The following FHIT variants were observed in gnomAD, a reference collection of about 807,000 sequenced individuals.
FHIT encodes the protein fragile histidine triad diadenosine triphosphatase, also known as bis(5'-adenosyl)-triphosphatase.
FHIT carries 19 observed loss-of-function variants against 17.9 expected under a neutral mutation model. That is an observed-to-expected ratio of 1.06 (90% CI 0.74 to 1.56). The LOEUF (loss-of-function observed/expected upper bound fraction) is 1.56. Ranked by LOEUF, FHIT falls within the 40% of genes most tolerant of loss-of-function variation. The pLI, the probability that FHIT is intolerant of heterozygous loss-of-function variation, is 0.00. For missense variants in FHIT, 248 were observed against 189.2 expected, an observed-to-expected ratio of 1.31 and a Z score of -1.82; for synonymous variants, 81 against 69.7, an observed-to-expected ratio of 1.16 and a Z score of -0.81.
intron 5 of FHIT, among the ~76,000 whole-genome samples, chr3:60,316,680 T>C (rs1709179873): frequency 6.6e-6 from 1 of 152,198 alleles, no homozygotes; most frequent in African/African-American, 2.4e-5. Context: ...ACAGGCTCAC[T>C]CAAAACAGAT....
intron 4 of FHIT, among the ~76,000 whole-genome samples, chr3:60,808,944 G>A (rs782249725): frequency 1.8e-4 from 28 of 152,218 alleles, no homozygotes; most frequent in Non-Finnish European, 3.4e-4. Context: ...CAACATACAC[G>A]AAACAGTTTT....
chr3:59,941,420 ATCTC>A (rs143241274), intron 7 of FHIT, among the ~76,000 whole-genome samples: 3,128 of 152,062 alleles, frequency 0.021, 108 homozygotes, highest in African/African-American at 0.07. Flanking sequence ...CTACATTATG[ATCTC>A]TCTCTCTTTC....
chr3:60,130,275 C>T (rs1699481402), intron 5 of FHIT, among the ~76,000 whole-genome samples: 1 of 152,174 alleles, frequency 6.6e-6, no homozygotes, highest in Non-Finnish European at 1.5e-5. Context: ...AAGACTATGT[C>T]TTGAAACCTT....
At position 59,765,084 on chromosome 3, in the gene FHIT, T is replaced by C. The variant is rs556974487; in HGVS notation, c.349-12763A>G. ...TTAAGATGTACTGGAGAAACAGCCA[T>C]GGCTGAGAGATACACAAAGCTGAAA... On this transcript the variant is annotated intron_variant, in intron 8 of 9. Coordinates refer to ENST00000492590, the MANE Select transcript of FHIT (RefSeq NM_002012.4). Among the ~76,000 whole-genome samples the C allele has an allele frequency of 3.3e-5, 5 of 152,306 alleles. No homozygotes were observed. The South Asian group carries it at 1.0e-3, about 32-fold the overall frequency.
chr3:60,019,419 T>TTTTTTTTTTTC (rs1700469656), intron 5 of FHIT, among the ~76,000 whole-genome samples: 1 of 147,180 alleles, frequency 6.8e-6, no homozygotes, highest in Non-Finnish European at 1.5e-5. Flanking sequence ...ATGCTCCTTT[T>TTTTTTTTTTTC]TTTTTTTTTT....
At chr3:60,740,176 T>G (rs2042213528) in intron 4 of FHIT, among the ~76,000 whole-genome samples, 1 of 152,214 alleles carries the variant, frequency 6.6e-6, no homozygotes, top group South Asian at 2.1e-4. Context: ...CTGCAGTTGT[T>G]TATTGCTGGG....
At position 59,814,841 on chromosome 3, in the gene FHIT, C is replaced by T. The variant is rs2107063890; in HGVS notation, c.349-62520G>A. 1.3e-5 allele frequency among the ~76,000 whole-genome samples: 2 copies of T among 152,216 alleles called. 1 individual carries two copies. The highest frequency in any genetic ancestry group is 4.1e-4 in the South Asian group (2 of 4,826). On this transcript the variant is annotated intron_variant, in intron 8 of 9. Coordinates refer to ENST00000492590, the MANE Select transcript of FHIT (RefSeq NM_002012.4). ...AGTTCCCTTTGCTGACTCTGCTTGTCCTCCTGTTCTCACAAAGGCTACCAT... is the reference window on the plus strand; with the variant it reads ...AGTTCCCTTTGCTGACTCTGCTTGTTCTCCTGTTCTCACAAAGGCTACCAT...
chr3:60,768,254 G>C (rs73836114), intron 4 of FHIT, among the ~76,000 whole-genome samples: 3,664 of 152,230 alleles, frequency 0.024, 163 homozygotes, highest in African/African-American at 0.082. Context: ...TCATGAATGA[G>C]GCATTAGGAA....
At chr3:60,712,893 C>A (rs2041577249) in intron 4 of FHIT, among the ~76,000 whole-genome samples, 1 of 143,102 alleles carries the variant, frequency 7.0e-6, no homozygotes, top group Non-Finnish European at 1.5e-5. Flanking sequence ...ACAAGGATAC[C>A]CAGGAATTGA....
rs867539174 is a variant in FHIT, at chr3:60,370,919, C to T, written c.103+165941G>A. ...GAAAAAAGTTCACATTGCTTTTGTG[C>T]CTCTCACTGCCTTTTAATTCGCTTC... On this transcript the variant is annotated intron_variant, in intron 5 of 9. Transcript: ENST00000492590. Among the ~76,000 whole-genome samples, 13 of 152,302 alleles carry T rather than the reference C, an allele frequency of 8.5e-5. No individual in the cohort carries two copies. In the Middle Eastern group the frequency reaches 0.01, roughly 120 times the overall value.
chr3:59,857,709 T>TTTTTTG (rs781178595), intron 8 of FHIT, among the ~76,000 whole-genome samples: 8,132 of 148,570 alleles, frequency 0.055, 368 homozygotes, highest in Non-Finnish European at 0.079. Context: ...TGCTGGGTTT[T>TTTTTTG]TTTTTTTTTT....
In FHIT at chr3:60,692,863, C is replaced by T. The variant is rs149016352; in HGVS notation, c.-18+129056G>A. Among the ~76,000 whole-genome samples, 410 of 152,310 alleles carry T rather than the reference C, an allele frequency of 2.7e-3. 1 individual carries two copies. Among genetic ancestry groups the T allele is most frequent in the Non-Finnish European group, 4.2e-3 (285 of 68,020 alleles). Reference sequence around the variant, plus strand: ...TTAAAAGTGATGCTTCACAAAAGTACTTACATGCATAGTAATTCTTGTTCA... The same window carrying T: ...TTAAAAGTGATGCTTCACAAAAGTATTTACATGCATAGTAATTCTTGTTCA... On this transcript the variant is annotated intron_variant, in intron 4 of 9. Transcript: ENST00000492590.
intron 5 of FHIT, among the ~76,000 whole-genome samples, chr3:60,122,494 G>C (rs535811940): frequency 2.0e-5 from 3 of 152,264 alleles, no homozygotes; most frequent in South Asian, 2.1e-4. Flanking sequence ...AACAGGAGGT[G>C]GTGGTAAAAA....
intron 2 of FHIT, among the ~76,000 whole-genome samples, chr3:61,068,582 T>C (rs1428781688): frequency 6.6e-6 from 1 of 152,182 alleles, no homozygotes; most frequent in African/African-American, 2.4e-5. Context: ...GTAATCTTAG[T>C]CACATATGCA....
chr3:60,136,546 T>C (rs1699823693), intron 5 of FHIT, among the ~76,000 whole-genome samples: 1 of 152,184 alleles, frequency 6.6e-6, no homozygotes, highest in African/African-American at 2.4e-5. Flanking sequence ...CTCCGTTTCA[T>C]GAGGGCTGAG....
intron 4 of FHIT, among the ~76,000 whole-genome samples, chr3:60,718,127 T>C (rs2107956631): frequency 6.6e-6 from 1 of 152,346 alleles, no homozygotes. Context: ...TGGTTTTATA[T>C]GAATGCTTAC....
At chr3:59,858,906 T>A (rs1275169067) in intron 8 of FHIT, among the ~76,000 whole-genome samples, 2 of 152,186 alleles carry the variant, frequency 1.3e-5, no homozygotes, top group Non-Finnish European at 2.9e-5. Context: ...TACCCAGATA[T>A]GGAAATAATA....
chr3:60,501,962 A>G (rs546823849), intron 5 of FHIT, among the ~76,000 whole-genome samples: 1 of 152,332 alleles, frequency 6.6e-6, no homozygotes, highest in South Asian at 2.1e-4. Flanking sequence ...ATACGCATAA[A>G]TGATGTAAAC....
At chr3:61,163,089 G>A (rs953143926) in intron 2 of FHIT, among the ~76,000 whole-genome samples, 1 of 152,102 alleles carries the variant, frequency 6.6e-6, no homozygotes, top group African/African-American at 2.4e-5. Flanking sequence ...CTGTACTCCT[G>A]TCTCTCACAC....
Sources: gnomAD v4.1 joint callset for allele counts (sites outside exome capture counted in the v4.1 genomes callset) on GRCh38, gnomAD v4.1.1 for gene constraint, MANE v1.5 for transcripts, NCBI Gene and HGNC (gene_info 2026-07-23, HGNC 2026-07-21) for gene names.